The following ATR variants were observed in gnomAD, a reference collection of about 807,000 sequenced individuals.
ATR encodes the protein ATR checkpoint kinase.
ATR carries 142 observed loss-of-function variants against 305.3 expected under a neutral mutation model. The observed-to-expected ratio is 0.47, with a 90% CI of 0.41 to 0.53. The LOEUF is 0.53. Among genes scored for constraint, ATR ranks in the 20% least tolerant of loss-of-function variants. The pLI is 0.00. For synonymous variants in ATR, 1,050 were observed against 1,068.1 expected, an observed-to-expected ratio of 0.98 and a Z score of 0.33; for missense variants, 2,135 against 3,133.1, an observed-to-expected ratio of 0.68 and a Z score of 7.60.
In ATR at chr3:142,525,496, A is replaced by G. The variant is rs142758299; in HGVS notation, c.3946-1297T>C. 6.1e-4 allele frequency among the ~76,000 whole-genome samples: 93 copies of G among 152,288 alleles called. No individual in the cohort carries two copies. In the East Asian group the frequency reaches 9.8e-3, roughly 16 times the overall value. ...CCATTAATTAACCTAAGGAGAACTGAAATCGTTATAACATCAACCTACCCA... is the reference window on the plus strand; with the variant it reads ...CCATTAATTAACCTAAGGAGAACTGGAATCGTTATAACATCAACCTACCCA... On this transcript the variant is annotated intron_variant, in intron 21 of 46. Transcript: ENST00000350721.
chr3:142,470,481 G>C lies in ATR; in HGVS notation c.6222-298C>G, dbSNP rs143195252. 1.0e-3 allele frequency among the ~76,000 whole-genome samples: 157 copies of C among 151,928 alleles called. 1 individual carries two copies. The highest frequency in any genetic ancestry group is 3.6e-3 in the African/African-American group (149 of 41,414). On this transcript the variant is annotated intron_variant, in intron 36 of 46. Transcript: ENST00000350721. ...CAATACTTCTTTCAATTTTTCCTTA[G>C]GATCTCTGTGCCTTCATTTGCATTC... is the stretch of plus-strand genomic sequence containing the variant.
intron 21 of ATR, among the ~76,000 whole-genome samples, chr3:142,532,457 A>C (rs1393946229): frequency 6.6e-6 from 1 of 152,202 alleles, no homozygotes; most frequent in African/African-American, 2.4e-5. Context: ...TTTTCTACAT[A>C]GAAATCATTT....
At chr3:142,496,278 CTATATATATATATA>C (rs6148111) in intron 34 of ATR, 69 bp downstream of exon 34, 135 of 115,046 alleles carry the variant, frequency 1.2e-3, no homozygotes, top group Non-Finnish European at 1.4e-3. Flanking sequence ...TAATTCCCGA[CTATATATATATATA>C]TATATATATA....
intron 36 of ATR, among the ~76,000 whole-genome samples, chr3:142,473,578 G>A (rs1178943398): frequency 1.3e-5 from 2 of 148,884 alleles, no homozygotes; most frequent in Non-Finnish European, 3.0e-5. Context: ...CATAGTCTCA[G>A]TCTGTCACCC....
intron 27 of ATR, among the ~76,000 whole-genome samples, chr3:142,511,841 C>T (rs566049636): frequency 5.8e-4 from 87 of 150,838 alleles, no homozygotes; most frequent in Admixed American, 1.8e-3. Flanking sequence ...CAGCTGGGTG[C>T]GGTGGCTCAT....
Position 142,578,666 on chromosome 3 carries a change from G to A in ATR, c.39C>T (p.Pro13=), listed in dbSNP as rs2108512657. The part of the protein sequence containing the change: ...EHGLELASMI[P]ALRELGSATP... ...CCTACCTGCCCAGCTCCCGCAGGGC[G>A]GGGATCATGGAAGCCAGCTCCAGGC... is the stretch of plus-strand genomic sequence containing the variant. The change falls in exon 1 of 47, where the codon CCC becomes CCT. Residue 13 remains proline (P), a synonymous_variant. Transcript: ENST00000350721. 3 of 1,613,296 alleles carry A rather than the reference G, an allele frequency of 1.9e-6. No individual in the cohort carries two copies. Among genetic ancestry groups the A allele is most frequent in the Non-Finnish European group, 2.5e-6 (3 of 1,179,772 alleles).
chr3:142,462,185 C>G (rs2071035518), intron 41 of ATR, 95 bp from the exon 42 acceptor site: 1 of 1,262,898 alleles, frequency 7.9e-7, no homozygotes, highest in South Asian at 1.3e-5. Flanking sequence ...ATTTCATAAC[C>G]AAAGAATGTC....
Position 142,519,758 on chromosome 3 carries a change from T to C in ATR, c.4293A>G (p.Arg1431=). The change falls in exon 24 of 47, where the codon AGA becomes AGG. Residue 1431 remains arginine (R), a synonymous_variant. Transcript: ENST00000350721. ...IQELLSIYDC[R]EMETNGPGHQ... is the part of the protein sequence containing the mutation. ...GACCTGGGCCGTTGGTCTCCATCTC[T>C]CTACAGTCATAAATAGAAAGCAACT... The C allele has an allele frequency of 6.2e-7, 1 of 1,613,716 alleles. No individual in the cohort carries two copies. Among genetic ancestry groups the C allele is most frequent in the Non-Finnish European group, 8.5e-7 (1 of 1,179,580 alleles).
chr3:142,542,581 C>A lies in ATR; in HGVS notation c.3450+84G>T. On this transcript the variant is annotated intron_variant, in intron 17 of 46. Coordinates refer to ENST00000350721, the MANE Select transcript of ATR (RefSeq NM_001184.4). ...AATGTCATATTTGGTTATTTCTCAT[C>A]TTTGAATGTTTGTAGCTAGATGCAG... is the stretch of plus-strand genomic sequence containing the variant. 4 of 1,230,698 alleles carry A rather than the reference C, an allele frequency of 3.3e-6. No homozygotes were observed. In the South Asian group the frequency reaches 5.1e-5, roughly 16 times the overall value. The allele number at this position is 1,230,698 out of a possible 1,614,324, so 76.2% of individuals were successfully genotyped here. A position where few individuals can be genotyped will look rare whatever the true frequency, so the allele number is the denominator to read the frequency against.
At chr3:142,543,061 T>G (rs185717822) in intron 16 of ATR, among the ~76,000 whole-genome samples, 63 of 152,160 alleles carry the variant, frequency 4.1e-4, no homozygotes, top group African/African-American at 1.5e-3. Context: ...ATCCTCAGGA[T>G]CTAATTCATG....
At chr3:142,477,615 T>C (rs1290505169) in intron 36 of ATR, among the ~76,000 whole-genome samples, 1 of 152,206 alleles carries the variant, frequency 6.6e-6, no homozygotes, top group Non-Finnish European at 1.5e-5. Context: ...ATAAAATGAG[T>C]TAGGGAGGAC....
At chr3:142,571,945 T>A (rs1028566040) in intron 1 of ATR, among the ~76,000 whole-genome samples, 1 of 152,072 alleles carries the variant, frequency 6.6e-6, no homozygotes, top group Non-Finnish European at 1.5e-5. Context: ...TTTTGTATTT[T>A]TAGTAGAGAC....
chr3:142,472,074 A>ATAGTAT (rs2071285839), intron 36 of ATR: 1 of 139,940 alleles, frequency 7.1e-6, no homozygotes, highest in African/African-American at 2.8e-5. Context: ...TTAAGCCTGA[A>ATAGTAT]TAGTATTCCA....
At chr3:142,533,685 T>G (rs1340974499) in intron 21 of ATR, among the ~76,000 whole-genome samples, 3 of 152,208 alleles carry the variant, frequency 2.0e-5, no homozygotes, top group African/African-American at 7.2e-5. Flanking sequence ...CAGCCTGCCA[T>G]AAATTTATCC....
At chr3:142,532,075 C>T (rs1014338277) in intron 21 of ATR, among the ~76,000 whole-genome samples, 6 of 152,084 alleles carry the variant, frequency 3.9e-5, no homozygotes, top group African/African-American at 1.2e-4. Flanking sequence ...TGCCCTGCTT[C>T]GGCTCATGCT....
intron 26 of ATR, 61 bp downstream of exon 26, chr3:142,513,440 A>C: frequency 6.4e-7 from 1 of 1,568,500 alleles, no homozygotes; most frequent in Non-Finnish European, 8.8e-7. Context: ...TTCTAATACT[A>C]ATTACATTGG....
At chr3:142,566,482 G>T (rs1430006562) in intron 2 of ATR, among the ~76,000 whole-genome samples, 2 of 151,998 alleles carry the variant, frequency 1.3e-5, no homozygotes, top group Admixed American at 1.3e-4. Context: ...AAAATTAGCT[G>T]GGAGTGGTAG....
chr3:142,538,116 A>G (rs1040366793), intron 19 of ATR, among the ~76,000 whole-genome samples: 12 of 152,314 alleles, frequency 7.9e-5, no homozygotes, highest in African/African-American at 2.9e-4. Flanking sequence ...GCAATGAGGT[A>G]ATAAGGGTTT....
intron 19 of ATR, among the ~76,000 whole-genome samples, chr3:142,537,634 A>T (rs1265715113): frequency 2.6e-5 from 4 of 152,320 alleles, no homozygotes; most frequent in Non-Finnish European, 5.9e-5. Context: ...ACTGCAACTG[A>T]CTAAAGGGAC....
Sources: gnomAD v4.1 joint callset for allele counts (sites outside exome capture counted in the v4.1 genomes callset) on GRCh38, gnomAD v4.1.1 for gene constraint, MANE v1.5 for transcripts, NCBI Gene and HGNC (gene_info 2026-07-23, HGNC 2026-07-21) for gene names.